Variants in PCDHGB2 observed in about 807,000 individuals in gnomAD.
The protein encoded by PCDHGB2 is protocadherin gamma-B2.
In PCDHGB2, 55 loss-of-function variants were observed where a neutral mutation model predicts 59.3. That is an observed-to-expected ratio of 0.93 (90% CI 0.75 to 1.16). The LOEUF is 1.16. PCDHGB2 is among the 50% of genes most tolerant of loss of function. The pLI is 0.00. For missense variants in PCDHGB2, 1,228 were observed against 1,198.5 expected (o/e 1.02, Z -0.36); for synonymous variants, 516 against 512.0 (o/e 1.01, Z -0.11).
At chr5:141,403,056 T>A in intron 1 of PCDHGB2, 1 of 1,614,046 alleles carries the variant, frequency 6.2e-7, no homozygotes, top group Non-Finnish European at 8.5e-7. Flanking sequence ...CGCTACTCAG[T>A]GCCTGAAGAG....
At chr5:141,365,311 T>C in intron 1 of PCDHGB2, 1 of 1,613,980 alleles carries the variant, frequency 6.2e-7, no homozygotes, top group Non-Finnish European at 8.5e-7. Flanking sequence ...GAGGCGCTCT[T>C]GTTGCCAGCG....
chr5:141,402,352 T>G (rs949706048), intron 1 of PCDHGB2, among the ~76,000 whole-genome samples: 1 of 151,978 alleles, frequency 6.6e-6, no homozygotes, highest in Non-Finnish European at 1.5e-5. Flanking sequence ...AAATTAAAAA[T>G]GAATGTACTT....
At chr5:141,369,672 A>G (rs545394407) in intron 1 of PCDHGB2, among the ~76,000 whole-genome samples, 2 of 152,370 alleles carry the variant, frequency 1.3e-5, no homozygotes, top group East Asian at 3.9e-4. Flanking sequence ...AAGAGAAGAA[A>G]GTGAAACATA....
chr5:141,404,174 C>A, intron 1 of PCDHGB2: 1 of 1,613,138 alleles, frequency 6.2e-7, no homozygotes, highest in Non-Finnish European at 8.5e-7. Flanking sequence ...GTTGACGGCC[C>A]AAATTCTTGA....
At chr5:141,439,780 T>G (rs1023743000) in intron 1 of PCDHGB2, 1 of 152,228 alleles carries the variant, frequency 6.6e-6, no homozygotes, top group African/African-American at 2.4e-5. Context: ...TGGCTGGAGA[T>G]TCTATAATCC....
In PCDHGB2 at chr5:141,428,115, G is replaced by T. The variant is rs753384738; in HGVS notation, c.2421+65559G>T. 5 of 1,607,062 alleles carry T rather than the reference G, an allele frequency of 3.1e-6. No homozygotes were observed. In the South Asian group the frequency reaches 5.5e-5, roughly 18 times the overall value. On this transcript the variant is annotated intron_variant, in intron 1 of 3. Coordinates refer to ENST00000522605, the MANE Select transcript of PCDHGB2 (RefSeq NM_018923.3). ...GTCCTACCACGTGCTGCAGGCCATC[G>T]AGCCCGGGCTTTTCAGCCTGGGGCT...
intron 1 of PCDHGB2, chr5:141,393,440 C>G (rs777552488): frequency 6.2e-7 from 1 of 1,614,042 alleles, no homozygotes; most frequent in Admixed American, 1.7e-5. Context: ...CTGCTCACCA[C>G]CTGGTCCTCA....
At chr5:141,429,924 A>T (rs2097252885) in intron 1 of PCDHGB2, among the ~76,000 whole-genome samples, 1 of 152,210 alleles carries the variant, frequency 6.6e-6, no homozygotes, top group Admixed American at 6.5e-5. Context: ...GTATTAATAG[A>T]ATTCTGGAGT....
chr5:141,389,814 G>T, intron 1 of PCDHGB2: 3 of 1,613,868 alleles, frequency 1.9e-6, no homozygotes, highest in Non-Finnish European at 2.5e-6. Flanking sequence ...TCTGGTCGCC[G>T]TGCGTGACGG....
Position 141,431,872 on chromosome 5 carries a change from A to G in PCDHGB2, c.2422-62935A>G, listed in dbSNP as rs2097425104. 5 of 1,614,222 alleles carry G rather than the reference A, an allele frequency of 3.1e-6. No individual in the cohort carries two copies. The highest frequency in any genetic ancestry group is 4.2e-6 in the Non-Finnish European group (5 of 1,180,002). ...GGACATTAATTGCCCTTTTAAATGT[A>G]AATGACCAAGATTCTGAGGAAAACG... On this transcript the variant is annotated intron_variant, in intron 1 of 3. Transcript: ENST00000522605. The surrounding 1 kb of genome is among the most constrained non-coding windows in gnomAD (Gnocchi z 4.8).
chr5:141,389,741 G>T (rs537380299), intron 1 of PCDHGB2: 31 of 1,612,676 alleles, frequency 1.9e-5, no homozygotes, highest in Admixed American at 6.7e-5. Context: ...GCCTGGGGCT[G>T]CGCACGGGCG....
At chr5:141,455,411 G>T (rs1292246147) in intron 1 of PCDHGB2, among the ~76,000 whole-genome samples, 1 of 152,096 alleles carries the variant, frequency 6.6e-6, no homozygotes, top group Non-Finnish European at 1.5e-5. Context: ...AGAGACAGAG[G>T]GAGCGGGGCT....
At position 141,394,582 on chromosome 5, in the gene PCDHGB2, A is replaced by C. The variant is rs1459158771; in HGVS notation, c.2421+32026A>C. The C allele has an allele frequency of 2.5e-6, 4 of 1,613,598 alleles. No individual in the cohort carries two copies. In the African/African-American group the frequency reaches 4.0e-5, roughly 16 times the overall value. ...GCAGAGCGTGGCTACCTGGTGACCA[A>C]GGTGGTGGCGGTGGACAGAGACTCG... On this transcript the variant is annotated intron_variant, in intron 1 of 3. Coordinates refer to ENST00000522605, the MANE Select transcript of PCDHGB2 (RefSeq NM_018923.3).
In PCDHGB2 at chr5:141,431,211, G is replaced by A. The variant is rs1054638121; in HGVS notation, c.2422-63596G>A. The A allele has an allele frequency of 6.2e-7, 1 of 1,614,004 alleles. No individual in the cohort carries two copies. The highest frequency in any genetic ancestry group is 1.7e-5 in the Admixed American group (1 of 60,006). ...AGTGAAAATGCAGCCACTGAGATGC[G>A]GTTCCCTCTACCCCACGCCTGGGAT... On this transcript the variant is annotated intron_variant, in intron 1 of 3. Coordinates refer to ENST00000522605, the MANE Select transcript of PCDHGB2 (RefSeq NM_018923.3). This position sits in a 1 kb window ranked among gnomAD's most constrained non-coding sequence, Gnocchi z 4.8.
chr5:141,374,388 G>A (rs779801370), intron 1 of PCDHGB2: 1 of 1,614,044 alleles, frequency 6.2e-7, no homozygotes, highest in South Asian at 1.1e-5. Context: ...AGCCCGCGGT[G>A]TCTGGTGAGT....
At chr5:141,405,364 C>T in intron 1 of PCDHGB2, 1 of 1,613,548 alleles carries the variant, frequency 6.2e-7, no homozygotes, top group Non-Finnish European at 8.5e-7. Flanking sequence ...TAGAAGACAC[C>T]CCTTTGGTTC....
chr5:141,383,364 C>G lies in PCDHGB2; in HGVS notation c.2421+20808C>G, dbSNP rs1345393790. Reference sequence around the variant, plus strand: ...CTCCTGGGGTTCGGTTTCCGTTAAGCGAGGCTGGGGATCCAGATGTGGGCA... The same window carrying G: ...CTCCTGGGGTTCGGTTTCCGTTAAGGGAGGCTGGGGATCCAGATGTGGGCA... On this transcript the variant is annotated intron_variant, in intron 1 of 3. Transcript: ENST00000522605. The G allele has an allele frequency of 2.5e-6, 4 of 1,613,946 alleles. No homozygotes were observed. The South Asian group carries it at 4.4e-5, about 18-fold the overall frequency.
rs759809060 is a variant in PCDHGB2, at chr5:141,476,317, G to A, written c.2422-18490G>A. 1.2e-6 allele frequency: 2 copies of A among 1,614,170 alleles called. No individual in the cohort carries two copies. Among genetic ancestry groups the A allele is most frequent in the South Asian group, 2.2e-5 (2 of 91,078 alleles). On this transcript the variant is annotated intron_variant, in intron 1 of 3. Coordinates refer to ENST00000522605, the MANE Select transcript of PCDHGB2 (RefSeq NM_018923.3). This position sits in a 1 kb window ranked among gnomAD's most constrained non-coding sequence, Gnocchi z 7.6. Reference sequence around the variant, plus strand: ...GTAGCCTCTCAGCCCGCAGGTTCCGGGTGGTGTCTGGAGCTAGCCGAAGAT... The same window carrying A: ...GTAGCCTCTCAGCCCGCAGGTTCCGAGTGGTGTCTGGAGCTAGCCGAAGAT...
intron 1 of PCDHGB2, among the ~76,000 whole-genome samples, chr5:141,483,689 G>A (rs1234666254): frequency 6.6e-6 from 1 of 152,022 alleles, no homozygotes; most frequent in Non-Finnish European, 1.5e-5. Flanking sequence ...CAGAAAGCCA[G>A]ATTCCTCTTT....
Sources: gnomAD v4.1 joint callset for allele counts (sites outside exome capture counted in the v4.1 genomes callset) on GRCh38, gnomAD v4.1.1 for gene constraint, Gnocchi (gnomAD v3.1) non-coding constraint, MANE v1.5 for transcripts, NCBI Gene and HGNC (gene_info 2026-07-23, HGNC 2026-07-21) for gene names.